Variants in NRXN1 observed in about 807,000 individuals in gnomAD.
NRXN1 encodes the protein neurexin-1.
NRXN1 carries 39 observed loss-of-function variants against 150.9 expected under a neutral mutation model. That is an observed-to-expected ratio of 0.26 (90% CI 0.20 to 0.34). NRXN1 has a LOEUF of 0.34. Ranked by LOEUF, NRXN1 falls within the 10% of genes least tolerant of loss-of-function variation. The pLI, the probability that NRXN1 is intolerant of heterozygous loss-of-function variation, is 1.00. For synonymous variants in NRXN1, 924 were observed against 757.0 expected, an observed-to-expected ratio of 1.22 and a Z score of -3.62; for missense variants, 1,815 against 1,949.9, an observed-to-expected ratio of 0.93 and a Z score of 1.30.
rs369290239 is a variant in NRXN1 at position 50,081,149 on chromosome 2, A to T, written c.3718+10174T>A. 1.5e-4 allele frequency among the ~76,000 whole-genome samples: 23 copies of T among 152,326 alleles called. No individual in the cohort carries two copies. In the East Asian group the frequency reaches 2.5e-3, roughly 17 times the overall value. On this transcript the variant is annotated intron_variant, in intron 19 of 22. Coordinates refer to ENST00000401669, the MANE Select transcript of NRXN1 (RefSeq NM_001330078.2). ...AAACTGATCTAGATTAATGTCTAAA[A>T]CTAAATACAGTTACCTAAGCTTTAT...
Position 50,265,107 on chromosome 2 carries a change from G to T in NRXN1, c.3365-28137C>A, listed in dbSNP as rs114593499. On this transcript the variant is annotated intron_variant, in intron 17 of 22. Transcript: ENST00000401669. Reference sequence around the variant, plus strand: ...AAACATTTGATATGGGAGTTTAATAGTATCATATGAAGAAGTATAGAAACT... The same window carrying T: ...AAACATTTGATATGGGAGTTTAATATTATCATATGAAGAAGTATAGAAACT... Among the ~76,000 whole-genome samples the T allele has an allele frequency of 9.4e-3, 1,436 of 152,146 alleles. 27 individuals carry two copies. Among genetic ancestry groups the T allele is most frequent in the African/African-American group, 0.033 (1,387 of 41,490 alleles).
At chr2:50,080,708 G>A (rs1697827227) in intron 19 of NRXN1, among the ~76,000 whole-genome samples, 1 of 152,032 alleles carries the variant, frequency 6.6e-6, no homozygotes, top group Non-Finnish European at 1.5e-5. Flanking sequence ...ATCCTATTTT[G>A]GAGAACAATT....
At chr2:50,389,669 G>C (rs368563142) in intron 17 of NRXN1, among the ~76,000 whole-genome samples, 2 of 151,916 alleles carry the variant, frequency 1.3e-5, no homozygotes, top group African/African-American at 4.8e-5. Context: ...AAGCATCTTC[G>C]ATAATTTTAA....
At chr2:50,979,371 T>C in intron 2 of NRXN1, 1 of 445,800 alleles carries the variant, frequency 2.2e-6, no homozygotes, top group Non-Finnish European at 4.5e-6. Flanking sequence ...ACAAATACCT[T>C]GGAAACTTGC....
intron 19 of NRXN1, among the ~76,000 whole-genome samples, chr2:50,080,993 A>C (rs545043606): frequency 1.2e-4 from 18 of 152,336 alleles, no homozygotes; most frequent in African/African-American, 4.3e-4. Context: ...AAATGGGCCT[A>C]AGGATGCAAC....
At chr2:50,034,690 T>C (rs964794371) in intron 21 of NRXN1, among the ~76,000 whole-genome samples, 4 of 152,058 alleles carry the variant, frequency 2.6e-5, no homozygotes, top group Non-Finnish European at 5.9e-5. Context: ...GTAGGTGTTT[T>C]ACAAATATAT....
Position 50,094,611 on chromosome 2 carries a change from T to C in NRXN1, c.3547-3117A>G, listed in dbSNP as rs181927392. On this transcript the variant is annotated intron_variant, in intron 18 of 22. Coordinates refer to ENST00000401669, the MANE Select transcript of NRXN1 (RefSeq NM_001330078.2). ...TGCCCAGTGGCCAAGCAAAGAGATA[T>C]TGATGTACCAGGAGCCACTTGTGCA... Among the ~76,000 whole-genome samples, 489 of 152,148 alleles carry C rather than the reference T, an allele frequency of 3.2e-3. 1 individual carries two copies. Among genetic ancestry groups the C allele is most frequent in the Admixed American group, 8.4e-3 (129 of 15,290 alleles).
At chr2:50,831,752 G>T (rs1158712497) in intron 5 of NRXN1, among the ~76,000 whole-genome samples, 1 of 152,162 alleles carries the variant, frequency 6.6e-6, no homozygotes, top group Non-Finnish European at 1.5e-5. Flanking sequence ...GCATTCTCCG[G>T]AATATGAATA....
In NRXN1 at chr2:50,997,946, G is replaced by T. The variant is rs1046874120; in HGVS notation, c.772+29556C>A. Among the ~76,000 whole-genome samples the T allele has an allele frequency of 4.2e-5, 6 of 141,516 alleles. 1 individual carries two copies. The highest frequency in any genetic ancestry group is 6.0e-5 in the Non-Finnish European group (4 of 66,940). The allele number at this position is 141,516 out of a possible 152,430, so 92.8% of individuals were successfully genotyped here. A position where few individuals can be genotyped will look rare whatever the true frequency, so the allele number is the denominator to read the frequency against. ...TATTTATATTTTGAAGTGCCATGAT[G>T]AGTTCCGAATGTTTAGATAAGAAAT... On this transcript the variant is annotated intron_variant, in intron 2 of 22. Coordinates refer to ENST00000401669, the MANE Select transcript of NRXN1 (RefSeq NM_001330078.2).
chr2:50,125,642 TAC>T (rs1704475610), intron 18 of NRXN1, among the ~76,000 whole-genome samples: 1 of 152,134 alleles, frequency 6.6e-6, no homozygotes, highest in African/African-American at 2.4e-5. Context: ...TATTTTTGGT[TAC>T]AGTTAAGCTT....
At chr2:50,152,161 T>C (rs1037791682) in intron 18 of NRXN1, among the ~76,000 whole-genome samples, 1 of 151,720 alleles carries the variant, frequency 6.6e-6, no homozygotes, top group African/African-American at 2.4e-5. Context: ...ACTCTTTCTA[T>C]CTGGCAAAAC....
In NRXN1 at chr2:50,002,716, C is replaced by T. The variant is rs76261608; in HGVS notation, c.4128+50555G>A. 3.8e-3 allele frequency among the ~76,000 whole-genome samples: 580 copies of T among 152,086 alleles called. 5 individuals carry two copies. The highest frequency in any genetic ancestry group is 0.013 in the African/African-American group (558 of 41,494). ...TCTGCCCTGCTCTGTCCGCCATTCCCGAGAAATAGACTAGGAGTCAAGGGA... is the reference window on the plus strand; with the variant it reads ...TCTGCCCTGCTCTGTCCGCCATTCCTGAGAAATAGACTAGGAGTCAAGGGA... On this transcript the variant is annotated intron_variant, in intron 21 of 22. Coordinates refer to ENST00000401669, the MANE Select transcript of NRXN1 (RefSeq NM_001330078.2).
intron 21 of NRXN1, among the ~76,000 whole-genome samples, chr2:49,953,330 G>A (rs1213257191): frequency 1.3e-5 from 2 of 152,120 alleles, no homozygotes; most frequent in East Asian, 3.9e-4. Flanking sequence ...TATCTATCCA[G>A]TGGTGATTGA....
At chr2:50,026,497 A>T (rs1353338767) in intron 21 of NRXN1, among the ~76,000 whole-genome samples, 1 of 152,104 alleles carries the variant, frequency 6.6e-6, no homozygotes, top group East Asian at 1.9e-4. Flanking sequence ...GCAATGTGAG[A>T]TTTATTTAGG....
chr2:50,256,742 T>C (rs2067733442), intron 17 of NRXN1, among the ~76,000 whole-genome samples: 1 of 152,134 alleles, frequency 6.6e-6, no homozygotes, highest in Non-Finnish European at 1.5e-5. Context: ...GTCTATTGAC[T>C]AACTTCTGGC....
At chr2:50,428,126 A>G (rs1021664192) in intron 17 of NRXN1, among the ~76,000 whole-genome samples, 4 of 152,156 alleles carry the variant, frequency 2.6e-5, no homozygotes, top group Non-Finnish European at 5.9e-5. Flanking sequence ...TGAAAAATAA[A>G]GGCAAGGCGA....
intron 17 of NRXN1, among the ~76,000 whole-genome samples, chr2:50,368,074 C>G (rs995357315): frequency 6.6e-6 from 1 of 151,984 alleles, no homozygotes. Flanking sequence ...CAAAGACTGT[C>G]TTTGTCATTG....
intron 21 of NRXN1, among the ~76,000 whole-genome samples, chr2:50,048,922 C>T (rs1205430452): frequency 6.6e-6 from 1 of 152,046 alleles, no homozygotes; most frequent in Non-Finnish European, 1.5e-5. Flanking sequence ...TAGTCAAAAA[C>T]CAGAATCTCT....
intron 2 of NRXN1, among the ~76,000 whole-genome samples, chr2:50,976,289 C>G (rs550847689): frequency 6.6e-6 from 1 of 150,666 alleles, no homozygotes; most frequent in Admixed American, 6.7e-5. Context: ...TTTCCTAAAA[C>G]TCTAAAAGAA....
Sources: allele counts gnomAD v4.1 joint callset (sites outside exome capture counted in the v4.1 genomes callset), GRCh38; gene constraint gnomAD v4.1.1; transcripts MANE v1.5; gene names NCBI Gene and HGNC (gene_info 2026-07-23, HGNC 2026-07-21).